PDSS1: variants seen among roughly 807,000 people sequenced by gnomAD.
PDSS1 encodes all trans-polyprenyl-diphosphate synthase PDSS1.
PDSS1 carries 43 observed loss-of-function variants against 57.5 expected under a neutral mutation model. That is an observed-to-expected ratio of 0.75 (90% confidence interval 0.59 to 0.96). The LOEUF is 0.96. PDSS1 is among the 50% of genes least tolerant of loss of function. PDSS1 has a pLI of 0.00. For synonymous variants in PDSS1, 175 were observed against 191.3 expected, an observed-to-expected ratio of 0.91 and a Z score of 0.70; for missense variants, 438 against 527.8, an observed-to-expected ratio of 0.83 and a Z score of 1.67.
rs573876678 is a variant in PDSS1, at chr10:26,705,664, G to C, written c.336+270G>C. ...AATTTTTGTATTTTTAGTGAAGACG[G>C]GGTTTTGCTATGTTGGCCAGGCTGG... On this transcript the variant is annotated intron_variant, in intron 4 of 11. Transcript: ENST00000376215. 4.9e-4 allele frequency among the ~76,000 whole-genome samples: 74 copies of C among 152,114 alleles called. 1 individual carries two copies. Among genetic ancestry groups the C allele is most frequent in the African/African-American group, 1.7e-3 (72 of 41,486 alleles).
intron 4 of PDSS1, among the ~76,000 whole-genome samples, chr10:26,708,342 C>T (rs1677728): frequency 0.57 from 86,472 of 151,982 alleles, 24,941 homozygotes; most frequent in Middle Eastern, 0.65. Flanking sequence ...ACCCGTCAGC[C>T]GGAAGGCTCT....
rs1457345892 is a variant in PDSS1, at chr10:26,697,724, T to G, written c.13T>G (p.Trp5Gly). MASR[W>G]WRWRRGCSWK... is the part of the protein sequence containing the mutation. ...TCAGACTCCGACCATGGCCTCGCGC[T>G]GGTGGCGGTGGCGGCGCGGCTGCTC... The change falls in exon 1 of 12, where the codon TGG becomes GGG. Residue 5 changes from tryptophan to glycine, a missense_variant. Physicochemically the swap from Trp to Gly is radical, Grantham distance 184 (BLOSUM62 -2). Coordinates refer to ENST00000376215, the MANE Select transcript of PDSS1 (RefSeq NM_014317.5). 3.9e-6 allele frequency: 5 copies of G among 1,295,796 alleles called. No homozygotes were observed. The highest frequency in any genetic ancestry group is 4.9e-6 in the Non-Finnish European group (5 of 1,026,158). The allele number at this position is 1,295,796 out of a possible 1,614,324, so 80.3% of individuals were successfully genotyped here. A position where few individuals can be genotyped will look rare whatever the true frequency, so the allele number is the denominator to read the frequency against.
chr10:26,734,693 C>CA (rs1283169548), intron 8 of PDSS1: 2 of 456,098 alleles, frequency 4.4e-6, no homozygotes, highest in African/African-American at 2.0e-5. Context: ...TTTTTATGGA[C>CA]ACACCAAGAA....
In PDSS1 at chr10:26,724,096, C is replaced by T; in HGVS notation, c.804C>T (p.Ala268=). 2 of 1,612,632 alleles carry T rather than the reference C, an allele frequency of 1.2e-6. No homozygotes were observed. Among genetic ancestry groups the T allele is most frequent in the Non-Finnish European group, 1.7e-6 (2 of 1,178,666 alleles). ...HYLEKTFKKT[A]SLIANSCKAV... ...TTGAGAAGACATTCAAGAAGACCGC[C>T]AGCCTGATAGCCAACAGTTGTAAAG... Residue 268 remains alanine (A), a synonymous_variant, in exon 8 of 12, where the codon GCC becomes GCT. Coordinates refer to ENST00000376215, the MANE Select transcript of PDSS1 (RefSeq NM_014317.5).
chr10:26,710,263 T>G (rs1435336642), intron 5 of PDSS1, among the ~76,000 whole-genome samples: 1 of 90,518 alleles, frequency 1.1e-5, no homozygotes, highest in African/African-American at 3.6e-5. Flanking sequence ...TTTTTTTTTT[T>G]GAGACGGAGT....
chr10:26,729,181 T>TC (rs1222787547), intron 8 of PDSS1, among the ~76,000 whole-genome samples: 7 of 152,100 alleles, frequency 4.6e-5, no homozygotes, highest in Non-Finnish European at 1.0e-4. Context: ...CTCTGTGTCC[T>TC]CCATCATTTT....
At chr10:26,716,748 G>A (rs1835596075) in intron 5 of PDSS1, among the ~76,000 whole-genome samples, 1 of 152,056 alleles carries the variant, frequency 6.6e-6, no homozygotes, top group Admixed American at 6.6e-5. Flanking sequence ...AGTCCTGACA[G>A]GCATGCTGAA....
At chr10:26,705,675 T>C (rs1055037148) in intron 4 of PDSS1, among the ~76,000 whole-genome samples, 10 of 152,176 alleles carry the variant, frequency 6.6e-5, no homozygotes, top group South Asian at 2.1e-4. Flanking sequence ...GGTTTTGCTA[T>C]GTTGGCCAGG....
At position 26,735,523 on chromosome 10, in the gene PDSS1, T is replaced by A; in HGVS notation, c.970T>A (p.Ser324Thr). 6.2e-7 allele frequency: 1 copy of A among 1,614,112 alleles called. No homozygotes were observed. Among genetic ancestry groups the A allele is most frequent in the Non-Finnish European group, 8.5e-7 (1 of 1,179,966 alleles). Reference protein sequence around the residue: ...SCSDQMGKPTSADLKLGLATG... With the variant: ...SCSDQMGKPTTADLKLGLATG... Reference sequence around the variant, plus strand: ...TTCTGACCAGATGGGCAAACCAACATCAGCTGATCTGAAGCTCGGGTTAGC... The same window carrying A: ...TTCTGACCAGATGGGCAAACCAACAACAGCTGATCTGAAGCTCGGGTTAGC... The change falls in exon 10 of 12, where the codon TCA (serine) becomes ACA (threonine). Residue 324 changes from serine to threonine, a missense_variant. This residue lies in a region of PDSS1 where 284 missense variants were observed against 390.7 expected (regional missense o/e 0.73). Transcript: ENST00000376215.
intron 5 of PDSS1, chr10:26,718,798 G>A (rs1162497478): frequency 6.7e-6 from 1 of 149,200 alleles, no homozygotes; most frequent in Non-Finnish European, 1.5e-5. Context: ...TAGCACTGTA[G>A]ACATGATTTC....
In PDSS1 at chr10:26,742,938, G is replaced by A. The variant is rs961706077; in HGVS notation, c.1107+361G>A. On this transcript the variant is annotated intron_variant, in intron 11 of 11. Coordinates refer to ENST00000376215, the MANE Select transcript of PDSS1 (RefSeq NM_014317.5). ...ACTGGGCCCCCAGTCACCCAGCCTC[G>A]GCTCCAGCCTCATCCATGTCCCCAT... Among the ~76,000 whole-genome samples, 10 of 152,084 alleles carry A rather than the reference G, an allele frequency of 6.6e-5. 1 individual carries two copies. Among genetic ancestry groups the A allele is most frequent in the East Asian group, 1.9e-4 (1 of 5,196 alleles).
chr10:26,702,507 T>A (rs2132210274), intron 2 of PDSS1, among the ~76,000 whole-genome samples: 1 of 152,298 alleles, frequency 6.6e-6, no homozygotes, highest in East Asian at 1.9e-4. Context: ...CTGTGTTCAT[T>A]CTCCTTCCTG....
At chr10:26,737,722 CAAAAAAAAAAA>C (rs200552153) in intron 10 of PDSS1, among the ~76,000 whole-genome samples, 2 of 73,560 alleles carry the variant, frequency 2.7e-5, no homozygotes, top group South Asian at 4.4e-4. Context: ...GACTCCGTCT[CAAAAAAAAAAA>C]AAAAAAAAAA....
Position 26,705,416 on chromosome 10 carries a change from G to A in PDSS1, c.336+22G>A, listed in dbSNP as rs1748356. The A allele has an allele frequency of 0.56, 629,401 of 1,115,186 alleles. 183,046 individuals carry two copies. The highest frequency in any genetic ancestry group is 0.64 in the Admixed American group (37,216 of 57,992). 69.1% of individuals were successfully genotyped at this position (1,115,186 alleles called of 1,614,324 possible). ...AAAGGTGAGTTTTTTATTCTGCTGT[G>A]ATGTAATGTTTTAGCTTACCAAAAC... On this transcript the variant is annotated intron_variant, in intron 4 of 11. Coordinates refer to ENST00000376215, the MANE Select transcript of PDSS1 (RefSeq NM_014317.5).
intron 10 of PDSS1, among the ~76,000 whole-genome samples, chr10:26,738,539 A>G (rs528618921): frequency 7.2e-5 from 11 of 152,340 alleles, no homozygotes; most frequent in South Asian, 2.1e-4. Context: ...TCTCTGTGTC[A>G]TGTCTTTGCT....
At chr10:26,738,813 G>A (rs894543189) in intron 10 of PDSS1, among the ~76,000 whole-genome samples, 1 of 152,122 alleles carries the variant, frequency 6.6e-6, no homozygotes, top group African/African-American at 2.4e-5. Context: ...CTCTTAAGGG[G>A]TTTCCTGATA....
At chr10:26,725,516 G>A (rs1835921978) in intron 8 of PDSS1, among the ~76,000 whole-genome samples, 1 of 151,620 alleles carries the variant, frequency 6.6e-6, no homozygotes, top group African/African-American at 2.4e-5. Context: ...AAATTATGTG[G>A]GTTTTTTTTT....
At chr10:26,715,353 C>T (rs1377725034) in intron 5 of PDSS1, 1 of 152,070 alleles carries the variant, frequency 6.6e-6, no homozygotes, top group East Asian at 1.9e-4. Flanking sequence ...TTGTTCAGCA[C>T]CCTCCATGCC....
At chr10:26,742,661 CATTAA>C in intron 11 of PDSS1, 84 bp downstream of exon 11, 4 of 787,824 alleles carry the variant, frequency 5.1e-6, no homozygotes, top group South Asian at 1.4e-5. Flanking sequence ...ATTAACTAAA[CATTAA>C]ATTATAGATA....
Sources: allele counts gnomAD v4.1 joint callset (sites outside exome capture counted in the v4.1 genomes callset), GRCh38; gene constraint gnomAD v4.1.1; regional missense constraint gnomAD v4.1.1; transcripts MANE v1.5; gene names NCBI Gene and HGNC (gene_info 2026-07-23, HGNC 2026-07-21).